SV2B: variants seen among roughly 807,000 people sequenced by gnomAD.
SV2B encodes the protein solute carrier family 22 member B2.
Under a neutral mutation model 73.9 loss-of-function variants are expected in SV2B, and 41 were observed. The observed-to-expected ratio is 0.56, with a 90% CI of 0.43 to 0.72. SV2B has a LOEUF of 0.72. SV2B is among the 30% of genes least tolerant of loss of function. The pLI, the probability that SV2B is intolerant of heterozygous loss-of-function variation, is 0.00. For missense variants in SV2B, 764 were observed against 857.8 expected (o/e 0.89, Z 1.37); for synonymous variants, 314 against 314.2 (o/e 1.00, Z 0.01).
chr15:91,194,329 G>A (rs996893586), intron 1 of SV2B, among the ~76,000 whole-genome samples: 1 of 152,070 alleles, frequency 6.6e-6, no homozygotes, highest in Admixed American at 6.5e-5. Context: ...CATGCCTCTG[G>A]ACCTCAGGAG....
Position 91,289,742 on chromosome 15 carries a change from C to A in SV2B, c.1868+62C>A. The A allele has an allele frequency of 6.5e-7, 1 of 1,547,288 alleles. No individual in the cohort carries two copies. Among genetic ancestry groups the A allele is most frequent in the East Asian group, 2.3e-5 (1 of 43,854 alleles). ...TGGGCTTCTTTGGCCAGAAGTCTACCTGCTCCCTAAATCTCATGCTGTGCA... is the reference window on the plus strand; with the variant it reads ...TGGGCTTCTTTGGCCAGAAGTCTACATGCTCCCTAAATCTCATGCTGTGCA... On this transcript the variant is annotated intron_variant, in intron 12 of 12. Coordinates refer to ENST00000394232, the MANE Select transcript of SV2B (RefSeq NM_001323032.3). The surrounding 1 kb of genome is among the most constrained non-coding windows in gnomAD (Gnocchi z 4.9).
intron 1 of SV2B, among the ~76,000 whole-genome samples, chr15:91,109,409 G>A (rs542567494): frequency 6.6e-6 from 1 of 152,338 alleles, no homozygotes; most frequent in South Asian, 2.1e-4. Context: ...GTGGGCAGGA[G>A]CTCTAGGCTC....
intron 6 of SV2B, among the ~76,000 whole-genome samples, chr15:91,260,706 G>A (rs913829727): frequency 6.6e-5 from 10 of 152,108 alleles, no homozygotes; most frequent in African/African-American, 2.4e-4. Context: ...AGACATACCC[G>A]AGACTGGGAA....
rs890996003 is a variant in SV2B, at chr15:91,111,992, A to G, written c.-392+11629A>G. ...ATGAGAAATGTACCCCCATGATCCT[A>G]TTACCTTCCACCAGGCCCCACCTCC... is the stretch of plus-strand genomic sequence containing the variant. On this transcript the variant is annotated intron_variant, in intron 1 of 12. Transcript: ENST00000394232. Among the ~76,000 whole-genome samples, 5 of 152,062 alleles carry G rather than the reference A, an allele frequency of 3.3e-5. No homozygotes were observed. The East Asian group carries it at 9.6e-4, about 29-fold the overall frequency.
rs1263973266 is a variant in SV2B at position 91,292,849 on chromosome 15, C to A, written c.*297C>A. ...GTGAGTGCACACACTATGCGAGGAG[C>A]AAGCATTTCTCTAAGTCAAGTGCAA... On this transcript the variant is annotated 3_prime_UTR_variant, in exon 13 of 13. Transcript: ENST00000394232. 1 of 237,666 alleles carries A rather than the reference C, an allele frequency of 4.2e-6. No homozygotes were observed. Among genetic ancestry groups the A allele is most frequent in the African/African-American group, 2.2e-5 (1 of 44,684 alleles). The allele number at this position is 237,666 out of a possible 1,614,324, so 14.7% of individuals were successfully genotyped here.
rs974573249 is a variant in SV2B, at chr15:91,300,786, C to G, written c.*8234C>G. The G allele has an allele frequency of 2.0e-4, 30 of 152,234 alleles. No homozygotes were observed. The highest frequency in any genetic ancestry group is 7.2e-4 in the African/African-American group (30 of 41,446). 9.4% of individuals were successfully genotyped at this position (152,234 alleles called of 1,614,324 possible). A position where few individuals can be genotyped will look rare whatever the true frequency, so the allele number is the denominator to read the frequency against. ...TTGAGTAGTAATGTCCGCTACAACACCACGCTCCCGGAATGGTGGTTCCTA... is the reference window on the plus strand; with the variant it reads ...TTGAGTAGTAATGTCCGCTACAACAGCACGCTCCCGGAATGGTGGTTCCTA... On this transcript the variant is annotated 3_prime_UTR_variant, in exon 13 of 13. Transcript: ENST00000394232.
At chr15:91,278,062 A>C (rs1005589780) in intron 9 of SV2B, among the ~76,000 whole-genome samples, 1 of 152,224 alleles carries the variant, frequency 6.6e-6, no homozygotes, top group Non-Finnish European at 1.5e-5. Flanking sequence ...CGTTGGCACC[A>C]GGATTTCCCA....
chr15:91,175,341 G>A (rs560326607), intron 1 of SV2B, among the ~76,000 whole-genome samples: 135 of 151,754 alleles, frequency 8.9e-4, no homozygotes, highest in African/African-American at 2.9e-3. Context: ...TGCAACCTCC[G>A]CCTCCTGGGT....
chr15:91,167,690 T>C (rs1461731708), intron 1 of SV2B, among the ~76,000 whole-genome samples: 2 of 152,238 alleles, frequency 1.3e-5, no homozygotes, highest in African/African-American at 4.8e-5. Flanking sequence ...TCATTACATT[T>C]GCAAAATCCC....
At chr15:91,155,527 C>G (rs189760358) in intron 1 of SV2B, among the ~76,000 whole-genome samples, 8 of 152,278 alleles carry the variant, frequency 5.3e-5, no homozygotes, top group African/African-American at 1.9e-4. Flanking sequence ...CTTCTGGACC[C>G]CAAGATGCAG....
chr15:91,302,553 C>T lies in SV2B; in HGVS notation c.*10001C>T, dbSNP rs2049474117. 6.6e-6 allele frequency among the ~76,000 whole-genome samples: 1 copy of T among 152,232 alleles called. No homozygotes were observed. The highest frequency in any genetic ancestry group is 2.1e-4 in the South Asian group (1 of 4,812). On this transcript the variant is annotated 3_prime_UTR_variant, in exon 13 of 13. Coordinates refer to ENST00000394232, the MANE Select transcript of SV2B (RefSeq NM_001323032.3). ...GGTGCAGTGGTTCACACCTGTAATCCCAGCATTTTGGGAAGCCAAGGCAGG... is the reference window on the plus strand; with the variant it reads ...GGTGCAGTGGTTCACACCTGTAATCTCAGCATTTTGGGAAGCCAAGGCAGG...
chr15:91,267,586 G>C lies in SV2B; in HGVS notation c.1151G>C (p.Gly384Ala). 6.2e-7 allele frequency: 1 copy of C among 1,613,398 alleles called. No homozygotes were observed. The highest frequency in any genetic ancestry group is 8.5e-7 in the Non-Finnish European group (1 of 1,179,694). Residue 384 changes from glycine (G) to alanine (A), a missense_variant, in exon 8 of 13, where the codon GGG (glycine) becomes GCG (alanine). Physicochemically the swap from Gly to Ala is moderately conservative, Grantham distance 60 (BLOSUM62 0). Transcript: ENST00000394232. The surrounding 1 kb of genome is among the most constrained non-coding windows in gnomAD (Gnocchi z 4.3). ...GATAATGCCCTGTACTGTGTGATGG[G>C]GCCCTACAGAATGAATACACTGATT... ...VWDNALYCVM[G>A]PYRMNTLILA...
In SV2B at chr15:91,267,699, A is replaced by T. The variant is rs2048154376; in HGVS notation, c.1208+56A>T. On this transcript the variant is annotated intron_variant, in intron 8 of 12. Transcript: ENST00000394232. The surrounding 1 kb of genome is among the most constrained non-coding windows in gnomAD (Gnocchi z 4.3). ...TCCCTGTGCCTCAGTGGCCTCCTTT[A>T]CACATTGAGGATTACAGTGAGTTCT... The T allele has an allele frequency of 1.5e-6, 2 of 1,340,206 alleles. No homozygotes were observed. The highest frequency in any genetic ancestry group is 1.4e-5 in the African/African-American group (1 of 69,724). 83.0% of individuals were successfully genotyped at this position (1,340,206 alleles called of 1,614,324 possible).
At chr15:91,108,204 A>G (rs1469169842) in intron 1 of SV2B, among the ~76,000 whole-genome samples, 1 of 152,332 alleles carries the variant, frequency 6.6e-6, no homozygotes, top group South Asian at 2.1e-4. Flanking sequence ...GATTATTTCC[A>G]TGGGGCCCAT....
intron 1 of SV2B, among the ~76,000 whole-genome samples, chr15:91,185,329 G>T (rs1410050281): frequency 6.6e-6 from 1 of 152,178 alleles, no homozygotes; most frequent in Non-Finnish European, 1.5e-5. Context: ...GCATATTTTT[G>T]TGCTTCCTTT....
At chr15:91,176,755 A>G (rs976876672) in intron 1 of SV2B, among the ~76,000 whole-genome samples, 1 of 150,946 alleles carries the variant, frequency 6.6e-6, no homozygotes, top group African/African-American at 2.4e-5. Context: ...TTTTTCTTGT[A>G]AATTTGTTTG....
chr15:91,187,314 C>G (rs1945877844), intron 1 of SV2B, among the ~76,000 whole-genome samples: 1 of 152,170 alleles, frequency 6.6e-6, no homozygotes, highest in Non-Finnish European at 1.5e-5. Context: ...TTCTATAATG[C>G]TCTTAAATGT....
At position 91,123,878 on chromosome 15, in the gene SV2B, A is replaced by G. The variant is rs1366222167; in HGVS notation, c.-392+23515A>G. 1.3e-5 allele frequency among the ~76,000 whole-genome samples: 2 copies of G among 152,288 alleles called. No individual in the cohort carries two copies. The highest frequency in any genetic ancestry group is 2.1e-4 in the South Asian group (1 of 4,824). On this transcript the variant is annotated intron_variant, in intron 1 of 12. Coordinates refer to ENST00000394232, the MANE Select transcript of SV2B (RefSeq NM_001323032.3). The surrounding 1 kb of genome is among the most constrained non-coding windows in gnomAD (Gnocchi z 4.7). ...TCCAGGGGAGATGACCCTGGGCTCT[A>G]AGCACACTTGGTCTGTGTCCCAGGC...
chr15:91,279,517 GGA>G (rs1461259078), intron 9 of SV2B, among the ~76,000 whole-genome samples: 2 of 152,216 alleles, frequency 1.3e-5, no homozygotes, highest in African/African-American at 4.8e-5. Context: ...TATATAGGCT[GGA>G]GATCGGAGGA....
Sources: gnomAD v4.1 joint callset for allele counts (sites outside exome capture counted in the v4.1 genomes callset) on GRCh38, gnomAD v4.1.1 for gene constraint, Gnocchi (gnomAD v3.1) non-coding constraint, MANE v1.5 for transcripts, NCBI Gene and HGNC (gene_info 2026-07-23, HGNC 2026-07-21) for gene names.